The following SOX6 variants were observed in gnomAD, a reference collection of about 807,000 sequenced individuals.
The protein encoded by SOX6 is SRY-box transcription factor 6, also known as transcription factor SOX-6.
In SOX6, 11 loss-of-function variants were observed where a neutral mutation model predicts 97.8. That is an observed-to-expected ratio of 0.11 (90% CI 0.07 to 0.19). SOX6 has a LOEUF of 0.19. Ranked by LOEUF, SOX6 falls within the 10% of genes least tolerant of loss-of-function variation. SOX6 has a pLI of 1.00. For missense variants in SOX6, 810 were observed against 1,039.5 expected (o/e 0.78, Z 3.04); for synonymous variants, 360 against 371.4 (o/e 0.97, Z 0.35).
intron 11 of SOX6, among the ~76,000 whole-genome samples, chr11:16,047,243 A>C (rs914981747): frequency 1.3e-5 from 2 of 152,050 alleles, no homozygotes; most frequent in Non-Finnish European, 2.9e-5. Flanking sequence ...TGCAGGAAAG[A>C]GGGGGCGGAA....
intron 1 of SOX6, among the ~76,000 whole-genome samples, chr11:16,419,168 A>C (rs2134609): frequency 1.3e-5 from 2 of 151,906 alleles, no homozygotes; most frequent in Admixed American, 6.6e-5. Context: ...GCACATTACT[A>C]TTCATAATGC....
chr11:16,250,849 T>G (rs1251772985), intron 3 of SOX6, among the ~76,000 whole-genome samples: 1 of 152,008 alleles, frequency 6.6e-6, no homozygotes, highest in Non-Finnish European at 1.5e-5. Context: ...AACATTACAC[T>G]CAACAATTAC....
At chr11:16,625,668 G>T (rs1268084406) in intron 3 of SOX6, among the ~76,000 whole-genome samples, 2 of 152,122 alleles carry the variant, frequency 1.3e-5, no homozygotes, top group African/African-American at 2.4e-5. Context: ...ATGGGGGATA[G>T]GAATTGAATT....
Position 16,318,613 on chromosome 11 carries a change from C to T in SOX6, c.278G>A (p.Arg93Gln), listed in dbSNP as rs148119560. The T allele has an allele frequency of 4.3e-6, 7 of 1,613,180 alleles. No individual in the cohort carries two copies. Among genetic ancestry groups the T allele is most frequent in the African/African-American group, 4.0e-5 (3 of 74,774 alleles). ...NNKLCSLYSF[R>Q]NTSTSPHKPD... is the part of the protein sequence containing the mutation. Reference sequence around the variant, plus strand: ...CTTATGTGGTGAGGTAGAGGTATTTCGGAAGGAATATAGGGAACATAACTT... The same window carrying T: ...CTTATGTGGTGAGGTAGAGGTATTTTGGAAGGAATATAGGGAACATAACTT... The change falls in exon 3 of 16, where the codon CGA becomes CAA. Residue 93 changes from arginine (R) to glutamine (Q), a missense_variant. Arg to Gln is a conservative substitution (Grantham distance 43). Around this residue, in one of 9 missense-constraint regions of SOX6, gnomAD observed 46 missense variants for 84.1 expected, o/e 0.55. Transcript: ENST00000683767.
At chr11:16,210,072 C>T (rs995473849) in intron 4 of SOX6, among the ~76,000 whole-genome samples, 31 of 152,140 alleles carry the variant, frequency 2.0e-4, no homozygotes, top group Admixed American at 1.9e-3. Flanking sequence ...GCTTTGGAAT[C>T]AGTCTATCAG....
At position 16,045,843 on chromosome 11, in the gene SOX6, C is replaced by T. The variant is rs529462234; in HGVS notation, c.1623+671G>A. 7.9e-5 allele frequency among the ~76,000 whole-genome samples: 12 copies of T among 152,290 alleles called. No homozygotes were observed. The South Asian group carries it at 2.5e-3, about 32-fold the overall frequency. The stretch of plus-strand genomic sequence containing the variant: ...TATAACACCCTATTCCTTTAACTTG[C>T]TTCTATTTTTTCTCACGGCATTTAT... On this transcript the variant is annotated intron_variant, in intron 12 of 15. Transcript: ENST00000683767.
chr11:16,132,489 A>AAAG (rs1590217055), intron 6 of SOX6, among the ~76,000 whole-genome samples: 1 of 131,732 alleles, frequency 7.6e-6, no homozygotes, highest in South Asian at 2.3e-4. Flanking sequence ...AGAAAGAAAG[A>AAAG]AAGAAAGAAA....
At chr11:16,446,234 G>C (rs1208701201) in intron 1 of SOX6, among the ~76,000 whole-genome samples, 1 of 151,560 alleles carries the variant, frequency 6.6e-6, no homozygotes, top group Non-Finnish European at 1.5e-5. Flanking sequence ...ACAAGATGGA[G>C]GAGAGAAGAA....
chr11:16,262,279 C>CT (rs1402724124), intron 3 of SOX6, among the ~76,000 whole-genome samples: 1 of 152,042 alleles, frequency 6.6e-6, no homozygotes, highest in African/African-American at 2.4e-5. Flanking sequence ...CCAGTCAGCT[C>CT]TTAGTATACA....
intron 1 of SOX6, among the ~76,000 whole-genome samples, chr11:16,407,185 C>G (rs1858704029): frequency 6.6e-6 from 1 of 152,060 alleles, no homozygotes. Flanking sequence ...AAAGTACAGA[C>G]AGTTTTATTC....
chr11:16,640,658 A>G (rs889145330), intron 3 of SOX6, among the ~76,000 whole-genome samples: 6 of 152,244 alleles, frequency 3.9e-5, no homozygotes, highest in African/African-American at 1.4e-4. Context: ...TGTGTCGAGG[A>G]ATTTATCCAT....
At chr11:16,689,858 G>C (rs532803069) in intron 3 of SOX6, among the ~76,000 whole-genome samples, 2 of 151,326 alleles carry the variant, frequency 1.3e-5, no homozygotes, top group African/African-American at 4.8e-5. Context: ...AGTTTTATCA[G>C]AGATTGTGCA....
intron 8 of SOX6, 151 bp downstream of exon 8, chr11:16,097,458 T>C: frequency 1.4e-6 from 1 of 703,930 alleles, no homozygotes; most frequent in Non-Finnish European, 2.5e-6. Flanking sequence ...CTCTTCTATT[T>C]GCATTACGAT....
chr11:16,615,827 C>T lies in SOX6; in HGVS notation n.430-3567G>A, dbSNP rs1457743290. ...TCCAGATGAAAAGTGAAATTTCTATCCATCATCTAACTGTTTCTCTTACAA... is the reference window on the plus strand; with the variant it reads ...TCCAGATGAAAAGTGAAATTTCTATTCATCATCTAACTGTTTCTCTTACAA... On this transcript the variant is annotated intron_variant and non_coding_transcript_variant, in intron 3 of 5. Coordinates refer to the SOX6 transcript ENST00000524520. 3.9e-5 allele frequency among the ~76,000 whole-genome samples: 6 copies of T among 152,258 alleles called. No individual in the cohort carries two copies. The East Asian group carries it at 1.2e-3, about 29-fold the overall frequency.
chr11:15,974,381 T>C (rs1382284286), intron 15 of SOX6, among the ~76,000 whole-genome samples: 36 of 115,500 alleles, frequency 3.1e-4, no homozygotes, highest in African/African-American at 1.1e-3. Context: ...GCTCTCTCTT[T>C]TTTTTTTTTT....
At chr11:16,694,117 C>T (rs893083825) in intron 3 of SOX6, among the ~76,000 whole-genome samples, 21 of 152,162 alleles carry the variant, frequency 1.4e-4, no homozygotes, top group African/African-American at 4.8e-4. Context: ...ATTAATCTAT[C>T]CCTAACAGTC....
At chr11:16,379,734 T>G (rs1333234887) in intron 1 of SOX6, among the ~76,000 whole-genome samples, 76 of 152,222 alleles carry the variant, frequency 5.0e-4, no homozygotes, top group African/African-American at 1.8e-3. Context: ...AACAATCCAT[T>G]TTTAAGAATT....
intron 6 of SOX6, among the ~76,000 whole-genome samples, chr11:16,169,543 C>T (rs1850975740): frequency 6.9e-6 from 1 of 145,676 alleles, no homozygotes; most frequent in African/African-American, 2.6e-5. Context: ...AGAGACATAC[C>T]TGTAACCTCT....
intron 4 of SOX6, among the ~76,000 whole-genome samples, chr11:16,212,462 TTA>T (rs1455152137): frequency 2.6e-5 from 4 of 152,174 alleles, no homozygotes; most frequent in African/African-American, 7.2e-5. Context: ...TCATTTAATA[TTA>T]TGTTTTTAAA....
Sources: allele counts gnomAD v4.1 joint callset (sites outside exome capture counted in the v4.1 genomes callset), GRCh38; gene constraint gnomAD v4.1.1; regional missense constraint gnomAD v4.1.1; transcripts MANE v1.5; gene names NCBI Gene and HGNC (gene_info 2026-07-23, HGNC 2026-07-21).